Variants in TET3 observed in about 807,000 individuals in gnomAD.
TET3 encodes the protein tet methylcytosine dioxygenase 3.
Under a neutral mutation model 141.4 loss-of-function variants are expected in TET3, and 19 were observed. The ratio of observed to expected loss-of-function variants is 0.13; its 90% CI spans 0.09 to 0.20. TET3 has a LOEUF of 0.20. Among genes scored for constraint, TET3 ranks in the 10% least tolerant of loss-of-function variants. TET3 has a pLI of 1.00. For synonymous variants in TET3, 1,043 were observed against 980.9 expected, an observed-to-expected ratio of 1.06 and a Z score of -1.18; for missense variants, 1,874 against 2,356.9, an observed-to-expected ratio of 0.80 and a Z score of 4.24.
intron 6 of TET3, among the ~76,000 whole-genome samples, chr2:74,082,054 T>C (rs1256940490): frequency 1.3e-5 from 2 of 151,558 alleles, no homozygotes; most frequent in Non-Finnish European, 2.9e-5. Context: ...TGCCCCTTTC[T>C]CCTGCTAATT....
chr2:74,092,630 T>G (rs761890666), intron 8 of TET3, among the ~76,000 whole-genome samples: 10 of 152,214 alleles, frequency 6.6e-5, no homozygotes, highest in Non-Finnish European at 1.0e-4. Flanking sequence ...TGGGCTGAAC[T>G]GGGCGGGAGC....
chr2:74,085,289 G>T (rs1235660231), intron 6 of TET3, among the ~76,000 whole-genome samples: 1 of 152,146 alleles, frequency 6.6e-6, no homozygotes. Flanking sequence ...GTAGTTGATG[G>T]CAATAAGGCC....
intron 2 of TET3, among the ~76,000 whole-genome samples, chr2:73,989,000 T>TTTG (rs1233715793): frequency 1.4e-5 from 1 of 71,766 alleles, no homozygotes; most frequent in African/African-American, 3.5e-5. Flanking sequence ...GTTTTTTTTG[T>TTTG]TTTTTTTTTT....
chr2:74,056,601 C>G (rs6745236), intron 4 of TET3, among the ~76,000 whole-genome samples: 2 of 151,912 alleles, frequency 1.3e-5, no homozygotes, highest in African/African-American at 2.4e-5. Context: ...TAAAATAGAT[C>G]TTTCTTTAAG....
intron 2 of TET3, among the ~76,000 whole-genome samples, chr2:74,001,440 A>C (rs1684844794): frequency 6.6e-6 from 1 of 152,214 alleles, no homozygotes; most frequent in Non-Finnish European, 1.5e-5. Flanking sequence ...ATTCACCTGC[A>C]GTGAATCCTC....
At chr2:74,059,481 C>G (rs2103807711) in intron 4 of TET3, among the ~76,000 whole-genome samples, 1 of 152,336 alleles carries the variant, frequency 6.6e-6, no homozygotes, top group East Asian at 1.9e-4. Flanking sequence ...TCTGGAACTC[C>G]TGACCTGAGG....
intron 3 of TET3, among the ~76,000 whole-genome samples, chr2:74,018,918 C>G (rs1033183048): frequency 1.3e-5 from 2 of 152,104 alleles, no homozygotes; most frequent in Non-Finnish European, 2.9e-5. Flanking sequence ...GGAAGTAGAC[C>G]TTTCCGTTTA....
At position 74,101,637 on chromosome 2, in the gene TET3, C is replaced by T. The variant is rs1691222835; in HGVS notation, c.4849C>T (p.Pro1617Ser). The change falls in exon 12 of 12, where the codon CCC becomes TCC. Residue 1617 changes from proline (P) to serine (S), a missense_variant. By Grantham distance (74) the Pro-to-Ser change is moderately conservative. Coordinates refer to ENST00000409262, the MANE Select transcript of TET3 (RefSeq NM_001287491.2). This position sits in a 1 kb window ranked among gnomAD's most constrained non-coding sequence, Gnocchi z 8.5. Reference sequence around the variant, plus strand: ...GGAGGAGGGGCCGGCTGAGGAGCCCCCCAGCAAGGGAGCGGTGAAGGAGGA... The same window carrying T: ...GGAGGAGGGGCCGGCTGAGGAGCCCTCCAGCAAGGGAGCGGTGAAGGAGGA... ...SLEEGPAEEP[P>S]SKGAVKEEKG... 6.2e-7 allele frequency: 1 copy of T among 1,613,470 alleles called. No individual in the cohort carries two copies. The highest frequency in any genetic ancestry group is 1.3e-5 in the African/African-American group (1 of 75,022).
At chr2:74,035,226 T>C (rs11126424) in intron 3 of TET3, among the ~76,000 whole-genome samples, 46,613 of 137,068 alleles carry the variant, frequency 0.34, 9,117 homozygotes, top group African/African-American at 0.52. Context: ...AAAAAAGTTA[T>C]TGGGGCCGGG....
At chr2:74,050,651 G>A (rs1167803166) in intron 4 of TET3, among the ~76,000 whole-genome samples, 2 of 152,078 alleles carry the variant, frequency 1.3e-5, no homozygotes, top group African/African-American at 4.8e-5. Flanking sequence ...CTGGGCTCAA[G>A]CAATCCTCCC....
the TET3 span, among the ~76,000 whole-genome samples, chr2:74,115,345 C>T: frequency 6.6e-6 from 1 of 152,162 alleles, no homozygotes; most frequent in African/African-American, 2.4e-5. Context: ...CACATGTTCT[C>T]ACTTATAAGC....
chr2:73,999,895 G>A lies in TET3; in HGVS notation c.304-3215G>A, dbSNP rs1351846540. 3.9e-5 allele frequency among the ~76,000 whole-genome samples: 6 copies of A among 152,188 alleles called. No homozygotes were observed. The East Asian group carries it at 1.2e-3, about 29-fold the overall frequency. On this transcript the variant is annotated intron_variant, in intron 2 of 11. Coordinates refer to ENST00000409262, the MANE Select transcript of TET3 (RefSeq NM_001287491.2). ...AGTCTCAGAAGAGGGAATGAGGCCA[G>A]GGTGAGATGGGGATGGGAGCAGATG...
Position 74,102,437 on chromosome 2 carries a change from T to C in TET3, c.*261T>C. 2.9e-6 allele frequency: 1 copy of C among 339,210 alleles called. No homozygotes were observed. Among genetic ancestry groups the C allele is most frequent in the Admixed American group, 5.1e-5 (1 of 19,730 alleles). The allele number at this position is 339,210 out of a possible 1,614,324, so 21.0% of individuals were successfully genotyped here. A position where few individuals can be genotyped will look rare whatever the true frequency, so the allele number is the denominator to read the frequency against. On this transcript the variant is annotated 3_prime_UTR_variant, in exon 12 of 12. Transcript: ENST00000409262. ...TTTTTCCGTGATCTTAATATTTATATCTCCAAGTTGTCCCCCCCCCTTGTC... is the reference window on the plus strand; with the variant it reads ...TTTTTCCGTGATCTTAATATTTATACCTCCAAGTTGTCCCCCCCCCTTGTC...
intron 3 of TET3, among the ~76,000 whole-genome samples, chr2:74,039,745 G>A (rs1456201789): frequency 6.6e-6 from 1 of 152,116 alleles, no homozygotes; most frequent in Admixed American, 6.5e-5. Flanking sequence ...CACACATTTG[G>A]CAGATGATGG....
At chr2:74,039,317 CCT>C (rs929055414) in intron 3 of TET3, among the ~76,000 whole-genome samples, 1 of 152,230 alleles carries the variant, frequency 6.6e-6, no homozygotes, top group African/African-American at 2.4e-5. Context: ...CTTTCTCCAG[CCT>C]CTCTGAGATT....
In TET3 at chr2:74,101,639, C is replaced by T; in HGVS notation, c.4851C>T (p.Pro1617=). The T allele has an allele frequency of 1.9e-6, 3 of 1,613,568 alleles. No individual in the cohort carries two copies. The highest frequency in any genetic ancestry group is 2.5e-6 in the Non-Finnish European group (3 of 1,179,760). Residue 1617 remains proline, a synonymous_variant, in exon 12 of 12, where the codon CCC becomes CCT. Coordinates refer to ENST00000409262, the MANE Select transcript of TET3 (RefSeq NM_001287491.2). The surrounding 1 kb of genome is among the most constrained non-coding windows in gnomAD (Gnocchi z 8.5). ...AGGAGGGGCCGGCTGAGGAGCCCCCCAGCAAGGGAGCGGTGAAGGAGGAGA... is the reference window on the plus strand; with the variant it reads ...AGGAGGGGCCGGCTGAGGAGCCCCCTAGCAAGGGAGCGGTGAAGGAGGAGA... ...SLEEGPAEEP[P]SKGAVKEEKG...
At chr2:74,027,843 T>G (rs1479827211) in intron 3 of TET3, among the ~76,000 whole-genome samples, 1 of 152,236 alleles carries the variant, frequency 6.6e-6, no homozygotes, top group African/African-American at 2.4e-5. Context: ...CACGTTTTTG[T>G]GTGAACATGC....
Position 74,083,367 on chromosome 2 carries a change from G to T in TET3, c.2679+2776G>T, listed in dbSNP as rs1015328373. ...AAAGGTCACAGAGATCAGAAGGCAG[G>T]TACTTGTAGGCTCATTAGGGACACA... On this transcript the variant is annotated intron_variant, in intron 6 of 11. Coordinates refer to ENST00000409262, the MANE Select transcript of TET3 (RefSeq NM_001287491.2). Among the ~76,000 whole-genome samples, 48 of 152,202 alleles carry T rather than the reference G, an allele frequency of 3.2e-4. 1 individual carries two copies. Among genetic ancestry groups the T allele is most frequent in the Non-Finnish European group, 6.2e-4 (42 of 68,038 alleles).
At chr2:74,017,057 A>G (rs1345313444) in intron 3 of TET3, among the ~76,000 whole-genome samples, 1 of 152,152 alleles carries the variant, frequency 6.6e-6, no homozygotes, top group African/African-American at 2.4e-5. Flanking sequence ...AAGCTGAGGC[A>G]GCAGAATTGC....
Sources: allele counts gnomAD v4.1 joint callset (sites outside exome capture counted in the v4.1 genomes callset), GRCh38; gene constraint gnomAD v4.1.1; non-coding constraint Gnocchi (gnomAD v3.1); transcripts MANE v1.5; gene names NCBI Gene and HGNC (gene_info 2026-07-23, HGNC 2026-07-21).